Variants in NRXN3 observed in about 807,000 individuals in gnomAD.
NRXN3 encodes the protein neurexin 3, also known as neurexin III.
In NRXN3, 32 loss-of-function variants were observed where a neutral mutation model predicts 137.6. The observed-to-expected ratio is 0.23, with a 90% CI of 0.18 to 0.31. NRXN3 has a LOEUF of 0.31. NRXN3 is among the 10% of genes least tolerant of loss of function. The probability of loss-of-function intolerance (pLI) is 1.00; values close to 1 mark genes in which losing one functional copy is unlikely to be tolerated. For synonymous variants in NRXN3, 798 were observed against 784.5 expected (o/e 1.02, Z -0.29); for missense variants, 1,574 against 2,062.5 (o/e 0.76, Z 4.59).
chr14:79,831,364 C>T (rs2099322925), intron 20 of NRXN3, among the ~76,000 whole-genome samples: 1 of 152,188 alleles, frequency 6.6e-6, no homozygotes, highest in Non-Finnish European at 1.5e-5. Flanking sequence ...AGAACTAGGT[C>T]AGATTATGGC....
intron 16 of NRXN3, among the ~76,000 whole-genome samples, chr14:79,544,043 T>A (rs1291219784): frequency 2.0e-5 from 3 of 152,050 alleles, no homozygotes. Context: ...ACATTGTGAG[T>A]CTCATCCCCA....
chr14:79,836,134 A>T (rs2099342290), intron 20 of NRXN3, among the ~76,000 whole-genome samples: 1 of 152,174 alleles, frequency 6.6e-6, no homozygotes, highest in South Asian at 2.1e-4. Context: ...AAATGCAGTT[A>T]TTCCTCTCAA....
At chr14:79,766,022 A>G (rs1330258661) in intron 19 of NRXN3, among the ~76,000 whole-genome samples, 4 of 152,182 alleles carry the variant, frequency 2.6e-5, no homozygotes, top group Non-Finnish European at 4.4e-5. Context: ...AAAATTAATC[A>G]ATTTTTTAAC....
intron 4 of NRXN3, among the ~76,000 whole-genome samples, chr14:78,532,375 T>TTGTGTGTGTGTGTG (rs56788209): frequency 1.1e-3 from 146 of 138,652 alleles, no homozygotes; most frequent in East Asian, 4.3e-3. Context: ...TGATGATATT[T>TTGTGTGTGTGTGTG]TGTGTGTGTG....
intron 10 of NRXN3, among the ~76,000 whole-genome samples, chr14:78,907,716 T>C (rs1351001592): frequency 6.6e-6 from 1 of 152,070 alleles, no homozygotes; most frequent in Non-Finnish European, 1.5e-5. Context: ...TGGGGGTTTG[T>C]TGTACCGATT....
At chr14:79,435,593 TACACACACACACACACAC>T (rs35554281) in intron 15 of NRXN3, among the ~76,000 whole-genome samples, 8 of 143,824 alleles carry the variant, frequency 5.6e-5, no homozygotes, top group African/African-American at 7.7e-5. Context: ...AACACTAAGA[TACACACACACACACACAC>T]ACACACACAC....
intron 19 of NRXN3, among the ~76,000 whole-genome samples, chr14:79,771,351 A>G (rs1424398728): frequency 6.6e-6 from 1 of 152,214 alleles, no homozygotes; most frequent in African/African-American, 2.4e-5. Flanking sequence ...AGTATCCTTG[A>G]TGAACATTGA....
At chr14:78,341,800 A>G (rs1228676696) in intron 4 of NRXN3, among the ~76,000 whole-genome samples, 1 of 152,196 alleles carries the variant, frequency 6.6e-6, no homozygotes, top group African/African-American at 2.4e-5. Flanking sequence ...ATTGAAATGC[A>G]AATTCCCTGA....
intron 4 of NRXN3, among the ~76,000 whole-genome samples, chr14:78,524,732 C>T (rs1251140654): frequency 6.6e-6 from 1 of 152,060 alleles, no homozygotes; most frequent in African/African-American, 2.4e-5. Flanking sequence ...ATACCTTCAA[C>T]CTCTCTCAGC....
At chr14:79,589,548 C>G (rs1602541269) in intron 16 of NRXN3, among the ~76,000 whole-genome samples, 1 of 44,654 alleles carries the variant, frequency 2.2e-5, no homozygotes, top group Non-Finnish European at 3.7e-5. Context: ...GAGTAGAATA[C>G]CTAAAAAAAA....
At chr14:78,957,859 A>G (rs1174306831) in intron 11 of NRXN3, among the ~76,000 whole-genome samples, 1 of 152,236 alleles carries the variant, frequency 6.6e-6, no homozygotes, top group Admixed American at 6.5e-5. Context: ...TTATTTAATC[A>G]TTATTAATTA....
chr14:78,301,765 G>A (rs1030340114), intron 4 of NRXN3, among the ~76,000 whole-genome samples: 6 of 152,168 alleles, frequency 3.9e-5, no homozygotes, highest in African/African-American at 1.4e-4. Flanking sequence ...CTGTGAGATG[G>A]CTATCGCTTA....
chr14:78,952,785 A>C (rs2272293), intron 10 of NRXN3, among the ~76,000 whole-genome samples: 23,867 of 152,116 alleles, frequency 0.16, 3,466 homozygotes, highest in East Asian at 0.43. Context: ...TGTTTCATTT[A>C]CCTCTTTGAA....
chr14:78,497,636 G>A (rs2095809278), intron 4 of NRXN3, among the ~76,000 whole-genome samples: 1 of 151,406 alleles, frequency 6.6e-6, no homozygotes, highest in South Asian at 2.1e-4. Flanking sequence ...CTATCCATCT[G>A]TCCACCCATC....
intron 15 of NRXN3, among the ~76,000 whole-genome samples, chr14:79,415,275 T>C (rs893481925): frequency 9.9e-5 from 15 of 152,164 alleles, no homozygotes; most frequent in Non-Finnish European, 8.8e-5. Flanking sequence ...GGATTTTACA[T>C]TTATGAATTC....
At chr14:79,331,746 G>T (rs1005475956) in intron 15 of NRXN3, among the ~76,000 whole-genome samples, 1 of 151,966 alleles carries the variant, frequency 6.6e-6, no homozygotes, top group African/African-American at 2.4e-5. Flanking sequence ...CTCTCATCCT[G>T]TCTGATTCTC....
At chr14:79,673,294 A>G (rs2098621516) in intron 17 of NRXN3, among the ~76,000 whole-genome samples, 1 of 152,132 alleles carries the variant, frequency 6.6e-6, no homozygotes, top group African/African-American at 2.4e-5. Flanking sequence ...GTACTTTTAC[A>G]GCCTTTCAGT....
chr14:79,129,320 T>G (rs2057070354), intron 15 of NRXN3, among the ~76,000 whole-genome samples: 1 of 148,996 alleles, frequency 6.7e-6, no homozygotes. Context: ...CATTTAGTGC[T>G]ATAAATTTCC....
At chr14:78,761,816 T>G (rs757170001) in intron 8 of NRXN3, among the ~76,000 whole-genome samples, 10 of 152,152 alleles carry the variant, frequency 6.6e-5, no homozygotes, top group Non-Finnish European at 1.5e-4. Context: ...TAGAAATGAG[T>G]GCTGGTGAGC....
Sources: gnomAD v4.1 joint callset for allele counts (sites outside exome capture counted in the v4.1 genomes callset) on GRCh38, gnomAD v4.1.1 for gene constraint, MANE v1.5 for transcripts, NCBI Gene and HGNC (gene_info 2026-07-23, HGNC 2026-07-21) for gene names.